Variants in MPPED2 observed in about 807,000 individuals in gnomAD.
MPPED2 encodes metallophosphoesterase MPPED2.
Under a neutral mutation model 33.0 loss-of-function variants are expected in MPPED2, and 5 were observed. The ratio of observed to expected loss-of-function variants is 0.15; its 90% confidence interval spans 0.08 to 0.32. The LOEUF (loss-of-function observed/expected upper bound fraction) is 0.32. Among genes scored for constraint, MPPED2 ranks in the 10% least tolerant of loss-of-function variants. The pLI is 1.00. For synonymous variants in MPPED2, 136 were observed against 141.9 expected, an observed-to-expected ratio of 0.96 and a Z score of 0.29; for missense variants, 275 against 372.1, an observed-to-expected ratio of 0.74 and a Z score of 2.15.
chr11:30,467,889 G>A (rs886655678), intron 4 of MPPED2, among the ~76,000 whole-genome samples: 3 of 152,074 alleles, frequency 2.0e-5, no homozygotes, highest in African/African-American at 7.2e-5. Flanking sequence ...GTTTTATTCA[G>A]AATCCTTAGC....
chr11:30,460,277 G>A lies in MPPED2; in HGVS notation c.536+35019C>T, dbSNP rs1402305462. ...TGCTTCCCGTGGCGACAATATAAGT[G>A]CAGTGTCCAACTTTCCCCCTCACCC... On this transcript the variant is annotated intron_variant, in intron 4 of 6. Transcript: ENST00000358117. Among the ~76,000 whole-genome samples the A allele has an allele frequency of 3.9e-5, 6 of 152,068 alleles. No individual in the cohort carries two copies. In the East Asian group the frequency reaches 9.6e-4, roughly 24 times the overall value.
rs76393781 is a variant in MPPED2 at position 30,567,536 on chromosome 11, C to T, written c.128+12710G>A. Among the ~76,000 whole-genome samples the T allele has an allele frequency of 4.8e-3, 731 of 152,094 alleles. 9 individuals carry two copies. Among genetic ancestry groups the T allele is most frequent in the African/African-American group, 0.017 (712 of 41,514 alleles). On this transcript the variant is annotated intron_variant, in intron 2 of 6. Transcript: ENST00000358117. ...AATCTCCTCCCTCCAGTTTCTTATT[C>T]TCATACTCAAACAGTTACTAAGTGA...
At chr11:30,491,146 C>T (rs898577142) in intron 4 of MPPED2, among the ~76,000 whole-genome samples, 6 of 152,106 alleles carry the variant, frequency 3.9e-5, no homozygotes, top group Admixed American at 2.6e-4. Context: ...ATCTAATTTC[C>T]GAGGGGAGAA....
intron 4 of MPPED2, among the ~76,000 whole-genome samples, chr11:30,421,515 T>C (rs1948613871): frequency 6.6e-6 from 1 of 152,212 alleles, no homozygotes; most frequent in Non-Finnish European, 1.5e-5. Context: ...GATGTGCTTT[T>C]ACCTAGAGCT....
chr11:30,468,624 C>T (rs1307723866), intron 4 of MPPED2, among the ~76,000 whole-genome samples: 1 of 152,008 alleles, frequency 6.6e-6, no homozygotes, highest in Non-Finnish European at 1.5e-5. Flanking sequence ...AGAAAAGATG[C>T]CCAGGCAAGA....
intron 4 of MPPED2, among the ~76,000 whole-genome samples, chr11:30,489,221 T>G (rs1951869882): frequency 6.6e-6 from 1 of 152,214 alleles, no homozygotes. Flanking sequence ...TTCAAGAACT[T>G]GAAGACTGTC....
chr11:30,436,145 T>C (rs1017286203), intron 4 of MPPED2, among the ~76,000 whole-genome samples: 1 of 151,696 alleles, frequency 6.6e-6, no homozygotes, highest in Non-Finnish European at 1.5e-5. Flanking sequence ...ATTACTTAAT[T>C]TTCTTTAGAG....
intron 6 of MPPED2, among the ~76,000 whole-genome samples, chr11:30,396,259 C>G (rs1947839051): frequency 6.6e-6 from 1 of 152,112 alleles, no homozygotes; most frequent in African/African-American, 2.4e-5. Context: ...CCCTCAGAAG[C>G]CTTTTGAATG....
chr11:30,541,477 A>G (rs1955112230), intron 2 of MPPED2, among the ~76,000 whole-genome samples: 1 of 152,208 alleles, frequency 6.6e-6, no homozygotes, highest in Non-Finnish European at 1.5e-5. Flanking sequence ...CAATCAACCT[A>G]TAATTCAGTG....
intron 5 of MPPED2, among the ~76,000 whole-genome samples, chr11:30,414,864 C>T (rs1948273100): frequency 6.6e-6 from 1 of 152,170 alleles, no homozygotes; most frequent in East Asian, 1.9e-4. Context: ...CTAGGTTGCT[C>T]CTGTGGTCCT....
At chr11:30,537,661 A>C (rs773641382) in intron 2 of MPPED2, among the ~76,000 whole-genome samples, 1 of 152,164 alleles carries the variant, frequency 6.6e-6, no homozygotes, top group Non-Finnish European at 1.5e-5. Flanking sequence ...GCAAGAAGGA[A>C]GGGAGGAAAG....
intron 4 of MPPED2, among the ~76,000 whole-genome samples, chr11:30,463,743 C>G (rs1230547505): frequency 6.6e-6 from 1 of 152,160 alleles, no homozygotes; most frequent in South Asian, 2.1e-4. Flanking sequence ...AATATGGAGA[C>G]AATAGATTGC....
chr11:30,528,274 C>A (rs938238309), intron 3 of MPPED2, among the ~76,000 whole-genome samples: 1 of 150,906 alleles, frequency 6.6e-6, no homozygotes, highest in African/African-American at 2.4e-5. Context: ...CTTTTTTTTT[C>A]AGACGGAGTC....
At chr11:30,578,908 G>A (rs1421634984) in intron 2 of MPPED2, among the ~76,000 whole-genome samples, 2 of 151,656 alleles carry the variant, frequency 1.3e-5, no homozygotes, top group Admixed American at 6.6e-5. Flanking sequence ...TCATGTTAGC[G>A]ATCCTTCATA....
At chr11:30,508,967 T>C (rs776239382) in intron 3 of MPPED2, among the ~76,000 whole-genome samples, 1 of 145,346 alleles carries the variant, frequency 6.9e-6, no homozygotes, top group East Asian at 1.9e-4. Context: ...ACTTATCAAA[T>C]AGATGAATGA....
At chr11:30,552,305 C>T (rs959024134) in intron 2 of MPPED2, among the ~76,000 whole-genome samples, 1 of 152,140 alleles carries the variant, frequency 6.6e-6, no homozygotes, top group Non-Finnish European at 1.5e-5. Flanking sequence ...ACGGGAGTTT[C>T]CCCAAAATAT....
At chr11:30,527,369 T>TG (rs939006195) in intron 3 of MPPED2, among the ~76,000 whole-genome samples, 3 of 151,522 alleles carry the variant, frequency 2.0e-5, no homozygotes, top group African/African-American at 7.3e-5. Flanking sequence ...AAGAGTTGTT[T>TG]TTTTTTTTTT....
intron 3 of MPPED2, among the ~76,000 whole-genome samples, chr11:30,502,188 G>A (rs1031011348): frequency 5.3e-5 from 8 of 152,200 alleles, no homozygotes; most frequent in African/African-American, 1.4e-4. Flanking sequence ...AGTGGGGCCA[G>A]AATCTAGCTC....
At chr11:30,442,480 G>T (rs1949623234) in intron 4 of MPPED2, among the ~76,000 whole-genome samples, 2 of 152,154 alleles carry the variant, frequency 1.3e-5, no homozygotes, top group Admixed American at 1.3e-4. Context: ...GTCTGATCAG[G>T]GAACCAAATG....
Sources: allele counts gnomAD v4.1 joint callset (sites outside exome capture counted in the v4.1 genomes callset), GRCh38; gene constraint gnomAD v4.1.1; transcripts MANE v1.5; gene names NCBI Gene and HGNC (gene_info 2026-07-23, HGNC 2026-07-21).